MGST1: variants seen among roughly 807,000 people sequenced by gnomAD.
MGST1 encodes glutathione S-transferase 12.
A neutral mutation model predicts 8.9 loss-of-function variants in MGST1; 5 were observed. The observed-to-expected ratio is 0.56, with a 90% CI of 0.29 to 1.19. The LOEUF is 1.19. MGST1 is among the 50% of genes most tolerant of loss of function. MGST1 has a pLI of 0.08. For missense variants in MGST1, 182 were observed against 187.4 expected, an observed-to-expected ratio of 0.97 and a Z score of 0.17; for synonymous variants, 54 against 67.8, an observed-to-expected ratio of 0.80 and a Z score of 1.00.
intron 4 of MGST1, among the ~76,000 whole-genome samples, chr12:16,472,138 G>A (rs1024513506): frequency 6.6e-6 from 1 of 151,938 alleles, no homozygotes; most frequent in African/African-American, 2.4e-5. Context: ...TCTTCTATAA[G>A]ACTACTATTA....
chr12:16,399,391 G>A lies in MGST1; in HGVS notation n.778+15787G>A, dbSNP rs565909946. On this transcript the variant is annotated intron_variant and non_coding_transcript_variant, in intron 1 of 1. Coordinates refer to the MGST1 transcript ENST00000359720. ...GCCTTCCTCTTCTGGCTCATACTTC[G>A]ACTTTGTTCTTCTTCTTCCTTATAA... 1.5e-5 allele frequency: 23 copies of A among 1,516,020 alleles called. No individual in the cohort carries two copies. In the Admixed American group the frequency reaches 3.0e-4, roughly 20 times the overall value. 93.9% of individuals were successfully genotyped at this position (1,516,020 alleles called of 1,614,324 possible).
chr12:16,508,705 G>A (rs1380865272), intron 4 of MGST1, among the ~76,000 whole-genome samples: 1 of 152,292 alleles, frequency 6.6e-6, no homozygotes, highest in East Asian at 1.9e-4. Flanking sequence ...GATGGACACA[G>A]TCTCACTCTT....
intron 4 of MGST1, among the ~76,000 whole-genome samples, chr12:16,529,376 C>T (rs75636755): frequency 6.6e-6 from 1 of 152,168 alleles, no homozygotes; most frequent in East Asian, 1.9e-4. Context: ...TGTGCCTTCT[C>T]TTTAATCACA....
At chr12:16,569,055 G>A (rs186252950) in intron 4 of MGST1, among the ~76,000 whole-genome samples, 70 of 152,182 alleles carry the variant, frequency 4.6e-4, no homozygotes, top group African/African-American at 1.5e-3. Context: ...CCAGTTTCAG[G>A]CTTACTCAGT....
rs1378806811 is a variant in MGST1 at position 16,503,774 on chromosome 12, G to A, written n.483-85754G>A. Among the ~76,000 whole-genome samples the A allele has an allele frequency of 6.6e-6, 1 of 152,080 alleles. No individual in the cohort carries two copies. The highest frequency in any genetic ancestry group is 1.5e-5 in the Non-Finnish European group (1 of 68,016). ...CCCCTTTCCATGACAATGACCCAAC[G>A]ACCTGGAAGTTACCACCCTTTTTCT... On this transcript the variant is annotated intron_variant and non_coding_transcript_variant, in intron 4 of 4. Coordinates refer to the MGST1 transcript ENST00000538857. This position sits in a 1 kb window ranked among gnomAD's most constrained non-coding sequence, Gnocchi z 4.8.
intron 4 of MGST1, among the ~76,000 whole-genome samples, chr12:16,578,961 T>G (rs1330521626): frequency 1.3e-5 from 2 of 152,230 alleles, no homozygotes; most frequent in African/African-American, 4.8e-5. Context: ...AAGTTCTTTA[T>G]TCTAATGAAG....
chr12:16,379,508 A>G (rs376940192), downstream of MGST1, among the ~76,000 whole-genome samples: 11 of 152,306 alleles, frequency 7.2e-5, no homozygotes, highest in East Asian at 1.9e-3. Flanking sequence ...CCACTTGATC[A>G]TGGTGGATAA....
chr12:16,510,272 G>T (rs1314286834), intron 4 of MGST1, among the ~76,000 whole-genome samples: 1 of 152,088 alleles, frequency 6.6e-6, no homozygotes, highest in East Asian at 1.9e-4. Flanking sequence ...GGGAAGAAGG[G>T]AAAGGAAGAA....
intron 1 of MGST1, among the ~76,000 whole-genome samples, chr12:16,394,972 C>G (rs1172461286): frequency 6.6e-6 from 1 of 151,964 alleles, no homozygotes; most frequent in African/African-American, 2.4e-5. Context: ...TTATGTATAG[C>G]AAATATATTC....
At chr12:16,549,983 A>C (rs1941925606) in intron 4 of MGST1, 2 of 152,098 alleles carry the variant, frequency 1.3e-5, no homozygotes, top group Admixed American at 1.3e-4. Flanking sequence ...AAACACATCA[A>C]ACTTAAAGTG....
chr12:16,474,687 C>T (rs1461414205), intron 4 of MGST1, among the ~76,000 whole-genome samples: 3 of 152,214 alleles, frequency 2.0e-5, no homozygotes, highest in African/African-American at 7.2e-5. Context: ...TTGACCATTC[C>T]AGAAGAAATG....
chr12:16,401,640 C>T lies in MGST1; in HGVS notation n.778+18036C>T. On this transcript the variant is annotated intron_variant and non_coding_transcript_variant, in intron 1 of 1. Coordinates refer to the MGST1 transcript ENST00000359720. The surrounding 1 kb of genome is among the most constrained non-coding windows in gnomAD (Gnocchi z 4.3). ...CCCAAAATACATGTGATTCTTGTCA[C>T]TCACCACACTGAACTTGAGATTATA... 3 of 1,595,210 alleles carry T rather than the reference C, an allele frequency of 1.9e-6. No individual in the cohort carries two copies. Among genetic ancestry groups the T allele is most frequent in the South Asian group, 2.2e-5 (2 of 90,648 alleles).
chr12:16,467,818 A>C (rs1187037427), intron 4 of MGST1, among the ~76,000 whole-genome samples: 1 of 152,206 alleles, frequency 6.6e-6, no homozygotes, highest in East Asian at 1.9e-4. Flanking sequence ...TTCAGACATT[A>C]GTTTCTGAAA....
intron 4 of MGST1, among the ~76,000 whole-genome samples, chr12:16,471,465 T>C (rs1483567355): frequency 6.6e-6 from 1 of 152,238 alleles, no homozygotes; most frequent in East Asian, 1.9e-4. Flanking sequence ...TGAATTATGC[T>C]TAATGATCTA....
chr12:16,505,769 C>T (rs146510299), intron 4 of MGST1, among the ~76,000 whole-genome samples: 1 of 152,176 alleles, frequency 6.6e-6, no homozygotes, highest in African/African-American at 2.4e-5. Context: ...TAATTCCATG[C>T]CTAAATACAT....
chr12:16,421,683 A>G (rs1054931021), intron 1 of MGST1, among the ~76,000 whole-genome samples: 1 of 152,158 alleles, frequency 6.6e-6, no homozygotes, highest in Non-Finnish European at 1.5e-5. Flanking sequence ...CCATGGACGT[A>G]TATTCACTTT....
chr12:16,386,302 A>T (rs190549742), intron 1 of MGST1, among the ~76,000 whole-genome samples: 2 of 152,264 alleles, frequency 1.3e-5, no homozygotes, highest in Admixed American at 1.3e-4. Flanking sequence ...ACTCTGCTGG[A>T]TAGAAGGAAA....
In MGST1 at chr12:16,535,980, T is replaced by G. The variant is rs949215803; in HGVS notation, n.483-53548T>G. On this transcript the variant is annotated intron_variant and non_coding_transcript_variant, in intron 4 of 4. Coordinates refer to the MGST1 transcript ENST00000538857. Reference sequence around the variant, plus strand: ...AAAGTGAAACACAAAGGATTTAGGCTTGAAAGGAGAAATGCTGGGTGAAGA... The same window carrying G: ...AAAGTGAAACACAAAGGATTTAGGCGTGAAAGGAGAAATGCTGGGTGAAGA... Among the ~76,000 whole-genome samples, 7 of 152,172 alleles carry G rather than the reference T, an allele frequency of 4.6e-5. 2 individuals are homozygous for G. Among genetic ancestry groups the G allele is most frequent in the Admixed American group, 4.6e-4 (7 of 15,270 alleles).
intron 4 of MGST1, among the ~76,000 whole-genome samples, chr12:16,574,911 AG>A (rs1942943135): frequency 6.6e-6 from 1 of 152,126 alleles, no homozygotes; most frequent in Admixed American, 6.5e-5. Context: ...GCCGAGTCCG[AG>A]TCTATGTGTT....
Sources: gnomAD v4.1 joint callset for allele counts (sites outside exome capture counted in the v4.1 genomes callset) on GRCh38, gnomAD v4.1.1 for gene constraint, Gnocchi (gnomAD v3.1) non-coding constraint, MANE v1.5 for transcripts, NCBI Gene and HGNC (gene_info 2026-07-23, HGNC 2026-07-21) for gene names.